The following ABCA5 variants were observed in gnomAD, a reference collection of about 807,000 sequenced individuals.
ABCA5 encodes the protein ATP binding cassette subfamily A member 5.
A neutral mutation model predicts 206.0 loss-of-function variants in ABCA5; 163 were observed. The ratio of observed to expected loss-of-function variants is 0.79; its 90% CI spans 0.70 to 0.90. The LOEUF (loss-of-function observed/expected upper bound fraction) is 0.90. Among genes scored for constraint, ABCA5 ranks in the 40% least tolerant of loss-of-function variants. The probability of loss-of-function intolerance (pLI) is 0.00; values close to 1 mark genes in which losing one functional copy is unlikely to be tolerated. For synonymous variants in ABCA5, 609 were observed against 613.8 expected (o/e 0.99, Z 0.11); for missense variants, 1,859 against 1,912.9 (o/e 0.97, Z 0.53).
chr17:69,266,009 C>A (rs749420638), intron 23 of ABCA5, among the ~76,000 whole-genome samples: 1 of 152,044 alleles, frequency 6.6e-6, no homozygotes, highest in African/African-American at 2.4e-5. Context: ...AAGCCAAAAA[C>A]GGAAAACAAT....
chr17:69,271,931 G>T (rs1049865759), intron 20 of ABCA5, among the ~76,000 whole-genome samples: 22 of 152,106 alleles, frequency 1.4e-4, no homozygotes, highest in African/African-American at 4.8e-4. Context: ...GGAGCCAAGA[G>T]TAAGATTTTA....
chr17:69,261,883 G>GT (rs539489610), intron 24 of ABCA5, 135 bp from the exon 25 acceptor site: 46 of 402,642 alleles, frequency 1.1e-4, no homozygotes, highest in South Asian at 8.4e-4. Flanking sequence ...ACTACTTGTA[G>GT]TTTTTTGTAC....
chr17:69,281,095 T>A (rs532081596), intron 18 of ABCA5, among the ~76,000 whole-genome samples: 16 of 151,628 alleles, frequency 1.1e-4, no homozygotes, highest in African/African-American at 3.9e-4. Flanking sequence ...ACCATAAACA[T>A]ATATTTATTT....
At chr17:69,262,646 T>C (rs539454580) in intron 24 of ABCA5, among the ~76,000 whole-genome samples, 2 of 152,332 alleles carry the variant, frequency 1.3e-5, no homozygotes, top group East Asian at 1.9e-4. Flanking sequence ...AATGGGCTCC[T>C]AGGTTGATTC....
intron 1 of ABCA5, among the ~76,000 whole-genome samples, chr17:69,316,309 A>G (rs1389010279): frequency 1.3e-5 from 2 of 152,198 alleles, no homozygotes; most frequent in African/African-American, 4.8e-5. Context: ...CCTGGCCAAC[A>G]TGGTAAAACC....
At chr17:69,298,980 C>T (rs150966428) in intron 9 of ABCA5, among the ~76,000 whole-genome samples, 61 of 152,028 alleles carry the variant, frequency 4.0e-4, no homozygotes, top group Non-Finnish European at 5.7e-4. Context: ...AAGAACAAAA[C>T]GAACAATCCC....
At chr17:69,293,545 A>G (rs2144989436) in intron 11 of ABCA5, among the ~76,000 whole-genome samples, 1 of 152,292 alleles carries the variant, frequency 6.6e-6, no homozygotes, top group African/African-American at 2.4e-5. Flanking sequence ...CATCTGAGTT[A>G]AACTTGATTA....
In ABCA5 at chr17:69,255,808, C is replaced by A; in HGVS notation, c.3901G>T (p.Asp1301Tyr). 1 of 1,591,444 alleles carries A rather than the reference C, an allele frequency of 6.3e-7. No homozygotes were observed. The highest frequency in any genetic ancestry group is 1.2e-5 in the South Asian group (1 of 86,598). ...MVSNLHKEYDDKKDFLLSRKV... is the reference protein window; with the variant it reads ...MVSNLHKEYDYKKDFLLSRKV... ...CTTGAAAGAAGAAAATCTTTCTTGTCATCATATTCTTTATGCAAATTGCTG... is the reference window on the plus strand; with the variant it reads ...CTTGAAAGAAGAAAATCTTTCTTGTAATCATATTCTTTATGCAAATTGCTG... Residue 1301 changes from aspartate to tyrosine, a missense_variant, in exon 30 of 39, where the codon GAC becomes TAC. Physicochemically the swap from Asp to Tyr is radical, Grantham distance 160. Transcript: ENST00000392676.
In ABCA5 at chr17:69,327,109, T is replaced by C. The variant is rs995859512; in HGVS notation, c.-73A>G. On this transcript the variant is annotated 5_prime_UTR_variant, in exon 1 of 39. Coordinates refer to ENST00000392676, the MANE Select transcript of ABCA5 (RefSeq NM_172232.4). ...GGACGCGCTCAGTCTGTTGACTCAG[T>C]GCGGGTGACCCAGCTGGGATCTGTG... is the stretch of plus-strand genomic sequence containing the variant. 1.2e-4 allele frequency: 18 copies of C among 152,338 alleles called. No homozygotes were observed. Among genetic ancestry groups the C allele is most frequent in the East Asian group, 5.8e-4 (3 of 5,158 alleles). 9.4% of individuals were successfully genotyped at this position (152,338 alleles called of 1,614,324 possible).
chr17:69,292,963 C>T (rs1037973147), intron 11 of ABCA5, among the ~76,000 whole-genome samples: 1 of 152,154 alleles, frequency 6.6e-6, no homozygotes, highest in Admixed American at 6.5e-5. Context: ...TGATTAATAA[C>T]ATTAGTTATT....
Position 69,258,999 on chromosome 17 carries a change from C to A in ABCA5, c.3731+707G>T, listed in dbSNP as rs377540324. Among the ~76,000 whole-genome samples the A allele has an allele frequency of 3.3e-5, 5 of 152,080 alleles. No homozygotes were observed. The East Asian group carries it at 7.7e-4, about 24-fold the overall frequency. ...GGAGAAAATAGAACCCTAAAACATT[C>A]CTAGCGGGAGTGTAAAATGGTATTA... On this transcript the variant is annotated intron_variant, in intron 28 of 38. Coordinates refer to ENST00000392676, the MANE Select transcript of ABCA5 (RefSeq NM_172232.4).
At chr17:69,274,871 T>C (rs1022966260) in intron 19 of ABCA5, among the ~76,000 whole-genome samples, 2 of 138,996 alleles carry the variant, frequency 1.4e-5, no homozygotes, top group Non-Finnish European at 3.1e-5. Flanking sequence ...TGAGATGGAG[T>C]CTTGCTCTGT....
At position 69,314,312 on chromosome 17, in the gene ABCA5, A is replaced by G; in HGVS notation, c.102+2T>C. The G allele has an allele frequency of 6.2e-7, 1 of 1,600,570 alleles. No homozygotes were observed. The highest frequency in any genetic ancestry group is 8.6e-7 in the Non-Finnish European group (1 of 1,168,246). On this transcript the variant is annotated splice_donor_variant, in intron 2 of 38. Transcript: ENST00000392676. LOFTEE classifies it high-confidence loss of function. ...AGCATAAGAAAGAGTTATTTAACTT[A>G]CCTGAACACTACTCTTTTTGGTTCT...
chr17:69,314,470 C>A, intron 1 of ABCA5, 40 bp from the exon 2 acceptor site: 9 of 1,243,882 alleles, frequency 7.2e-6, no homozygotes, highest in Non-Finnish European at 1.0e-5. Context: ...CCCGGAGCCA[C>A]GCAGTAAACT....
intron 10 of ABCA5, 89 bp from the exon 11 acceptor site, chr17:69,294,802 C>A: frequency 1.3e-6 from 1 of 745,398 alleles, no homozygotes; most frequent in Non-Finnish European, 2.1e-6. Context: ...TCAATGCTAT[C>A]ACATTTTATA....
chr17:69,318,613 A>C (rs75073970), intron 1 of ABCA5: 15,413 of 314,288 alleles, frequency 0.049, 499 homozygotes, highest in Non-Finnish European at 0.07. Context: ...ATACTGTAAA[A>C]ATACTAAATG....
rs2075263871 is a variant in ABCA5, at chr17:69,270,759, A to T, written c.2893-9T>A. The T allele has an allele frequency of 2.7e-6, 4 of 1,490,310 alleles. No individual in the cohort carries two copies. Among genetic ancestry groups the T allele is most frequent in the South Asian group, 2.8e-5 (2 of 71,594 alleles). 92.3% of individuals were successfully genotyped at this position (1,490,310 alleles called of 1,614,324 possible). A position where few individuals can be genotyped will look rare whatever the true frequency, so the allele number is the denominator to read the frequency against. On this transcript the variant is annotated splice_polypyrimidine_tract_variant and intron_variant, in intron 21 of 38. Coordinates refer to ENST00000392676, the MANE Select transcript of ABCA5 (RefSeq NM_172232.4). ...GCTGCAAAAACATAGTCCTACAATT[A>T]AAAAAAAGACACTTATTACATACTG...
rs918689578 is a variant in ABCA5 at position 69,314,484 on chromosome 17, T to C, written c.-15-54A>G. On this transcript the variant is annotated intron_variant, in intron 1 of 38. Coordinates refer to ENST00000392676, the MANE Select transcript of ABCA5 (RefSeq NM_172232.4). ...ACCCGGAGCCACGCAGTAAACTGCA[T>C]GTAATTTTTAACGGCAAAATAAGCA... 6.3e-6 allele frequency: 7 copies of C among 1,107,550 alleles called. No individual in the cohort carries two copies. The African/African-American group carries it at 7.9e-5, about 13-fold the overall frequency. 68.6% of individuals were successfully genotyped at this position (1,107,550 alleles called of 1,614,324 possible). A position where few individuals can be genotyped will look rare whatever the true frequency, so the allele number is the denominator to read the frequency against.
chr17:69,261,147 C>G lies in ABCA5; in HGVS notation c.3542G>C (p.Gly1181Ala), dbSNP rs763724389. Residue 1181 changes from glycine to alanine, a missense_variant, in exon 26 of 39, where the codon GGT (glycine) becomes GCT (alanine). By Grantham distance (60) the Gly-to-Ala change is moderately conservative. Coordinates refer to ENST00000392676, the MANE Select transcript of ABCA5 (RefSeq NM_172232.4). ...CIIIPIYPLL[G>A]CLISFIKISW... ...TACCTTTATGAAAGAAATCAGGCAA[C>G]CTAGAAGTGGATAGATTGGAATGAT... is the stretch of plus-strand genomic sequence containing the variant. The G allele has an allele frequency of 6.3e-7, 1 of 1,590,592 alleles. No individual in the cohort carries two copies. The highest frequency in any genetic ancestry group is 1.1e-5 in the South Asian group (1 of 87,320).
Sources: allele counts gnomAD v4.1 joint callset (sites outside exome capture counted in the v4.1 genomes callset), GRCh38; gene constraint gnomAD v4.1.1; transcripts MANE v1.5; gene names NCBI Gene and HGNC (gene_info 2026-07-23, HGNC 2026-07-21).